The following ANGPT1 variants were observed in gnomAD, a reference collection of about 807,000 sequenced individuals.
The protein encoded by ANGPT1 is angiopoietin 1.
Under a neutral mutation model 62.2 loss-of-function variants are expected in ANGPT1, and 17 were observed. The ratio of observed to expected loss-of-function variants is 0.27; its 90% CI spans 0.19 to 0.41. The LOEUF is 0.41. Among genes scored for constraint, ANGPT1 ranks in the 10% least tolerant of loss-of-function variants. The pLI is 1.00. For synonymous variants in ANGPT1, 199 were observed against 198.9 expected (o/e 1.00, Z 0.00); for missense variants, 478 against 594.9 (o/e 0.80, Z 2.04).
intron 5 of ANGPT1, among the ~76,000 whole-genome samples, chr8:107,301,060 G>A (rs906909805): frequency 4.6e-5 from 7 of 151,888 alleles, no homozygotes; most frequent in Non-Finnish European, 1.0e-4. Flanking sequence ...GAGTGTAGTT[G>A]TGGTTATATA....
At chr8:107,292,902 A>G (rs113697247) in intron 6 of ANGPT1, among the ~76,000 whole-genome samples, 1 of 152,196 alleles carries the variant, frequency 6.6e-6, no homozygotes, top group Admixed American at 6.6e-5. Flanking sequence ...GGTGAGAGAA[A>G]ATTTGTCAAA....
intron 1 of ANGPT1, among the ~76,000 whole-genome samples, chr8:107,468,818 C>T (rs967430029): frequency 6.6e-6 from 1 of 151,968 alleles, no homozygotes; most frequent in African/African-American, 2.4e-5. Context: ...GAGAAAGTTA[C>T]CTGTCCAATT....
At chr8:107,346,911 T>C in intron 2 of ANGPT1, 31 bp downstream of exon 2, 1 of 1,556,722 alleles carries the variant, frequency 6.4e-7, no homozygotes, top group Non-Finnish European at 8.7e-7. Context: ...TTTTCCTTGT[T>C]GAGTCTGTGG....
intron 1 of ANGPT1, among the ~76,000 whole-genome samples, chr8:107,382,938 T>C (rs1457548676): frequency 3.9e-5 from 6 of 152,206 alleles, no homozygotes. Flanking sequence ...TGGTTGGTTA[T>C]ATCTTAAAAA....
At chr8:107,475,036 T>C (rs1467241934) in intron 1 of ANGPT1, among the ~76,000 whole-genome samples, 1 of 152,134 alleles carries the variant, frequency 6.6e-6, no homozygotes, top group Admixed American at 6.5e-5. Flanking sequence ...TTCAATGCTA[T>C]CCCCATCAAG....
chr8:107,446,187 G>A (rs753947935), intron 1 of ANGPT1, among the ~76,000 whole-genome samples: 5 of 152,176 alleles, frequency 3.3e-5, no homozygotes, highest in African/African-American at 4.8e-5. Flanking sequence ...AGAGTGCTGG[G>A]ATTACAGGCA....
In ANGPT1 at chr8:107,279,077, G is replaced by A. The variant is rs951622482; in HGVS notation, c.1205+5605C>T. On this transcript the variant is annotated intron_variant, in intron 7 of 8. Coordinates refer to ENST00000517746, the MANE Select transcript of ANGPT1 (RefSeq NM_001146.5). ...TCCAGAGCTCCTTCCAGTGGACATA[G>A]CATCTCCTCAACCCTACAATAAATC... Among the ~76,000 whole-genome samples the A allele has an allele frequency of 3.9e-5, 6 of 152,226 alleles. No homozygotes were observed. In the South Asian group the frequency reaches 1.2e-3, roughly 32 times the overall value.
At chr8:107,442,760 A>C (rs1406993366) in intron 1 of ANGPT1, among the ~76,000 whole-genome samples, 1 of 152,224 alleles carries the variant, frequency 6.6e-6, no homozygotes. Context: ...ACACAAACTA[A>C]ATCTTACAGT....
At chr8:107,317,418 T>C (rs1248046617) in intron 4 of ANGPT1, among the ~76,000 whole-genome samples, 1 of 152,190 alleles carries the variant, frequency 6.6e-6, no homozygotes, top group East Asian at 1.9e-4. Context: ...TTCGAGCTGA[T>C]TTGAGCAGTG....
intron 1 of ANGPT1, among the ~76,000 whole-genome samples, chr8:107,352,714 T>G (rs1815959015): frequency 6.6e-6 from 1 of 152,142 alleles, no homozygotes; most frequent in South Asian, 2.1e-4. Flanking sequence ...CCTATAAAAA[T>G]TGACAAAGGC....
intron 8 of ANGPT1, among the ~76,000 whole-genome samples, chr8:107,254,261 T>C (rs2129987246): frequency 6.6e-6 from 1 of 152,132 alleles, no homozygotes; most frequent in African/African-American, 2.4e-5. Context: ...ATTGTATTCA[T>C]TTTTTTCTTT....
At chr8:107,325,751 T>A (rs556975574) in intron 3 of ANGPT1, among the ~76,000 whole-genome samples, 1 of 151,738 alleles carries the variant, frequency 6.6e-6, no homozygotes, top group Non-Finnish European at 1.5e-5. Flanking sequence ...GACATAATAC[T>A]TTTTTTTTAA....
chr8:107,254,232 A>G (rs1463311679), intron 8 of ANGPT1, among the ~76,000 whole-genome samples: 1 of 152,028 alleles, frequency 6.6e-6, no homozygotes, highest in Non-Finnish European at 1.5e-5. Context: ...AGATACCCCA[A>G]AATGTAACAC....
chr8:107,273,472 G>A (rs1294456893), intron 7 of ANGPT1, among the ~76,000 whole-genome samples: 1 of 151,892 alleles, frequency 6.6e-6, no homozygotes. Flanking sequence ...AGCTAGAGTC[G>A]AAAATCTTTG....
At chr8:107,420,388 GA>G (rs907063121) in intron 1 of ANGPT1, among the ~76,000 whole-genome samples, 1 of 151,932 alleles carries the variant, frequency 6.6e-6, no homozygotes, top group African/African-American at 2.4e-5. Context: ...CAGTTCTTAG[GA>G]AAAAAACAAC....
At chr8:107,402,311 G>T (rs928856533) in intron 1 of ANGPT1, among the ~76,000 whole-genome samples, 1 of 152,100 alleles carries the variant, frequency 6.6e-6, no homozygotes, top group African/African-American at 2.4e-5. Flanking sequence ...CCCAATTTGT[G>T]GTTGCAGCAA....
At chr8:107,382,594 A>G (rs556407429) in intron 1 of ANGPT1, among the ~76,000 whole-genome samples, 1 of 152,192 alleles carries the variant, frequency 6.6e-6, no homozygotes, top group South Asian at 2.1e-4. Flanking sequence ...AATACTTCCC[A>G]CACAGTAGAC....
intron 4 of ANGPT1, among the ~76,000 whole-genome samples, chr8:107,313,807 A>G (rs562179002): frequency 5.3e-5 from 8 of 152,236 alleles, no homozygotes; most frequent in African/African-American, 1.4e-4. Context: ...CTAAAAATAA[A>G]TATTTGTTTA....
chr8:107,379,509 C>T (rs949879335), intron 1 of ANGPT1, among the ~76,000 whole-genome samples: 23 of 151,188 alleles, frequency 1.5e-4, no homozygotes, highest in Admixed American at 4.0e-4. Flanking sequence ...TGTAGCAGTC[C>T]GCCAATTTTA....
Sources: allele counts gnomAD v4.1 joint callset (sites outside exome capture counted in the v4.1 genomes callset), GRCh38; gene constraint gnomAD v4.1.1; transcripts MANE v1.5; gene names NCBI Gene and HGNC (gene_info 2026-07-23, HGNC 2026-07-21).